The following DLG2 variants were observed in gnomAD, a reference collection of about 807,000 sequenced individuals.
The protein encoded by DLG2 is discs large MAGUK scaffold protein 2.
In DLG2, 45 loss-of-function variants were observed where a neutral mutation model predicts 132.5. That is an observed-to-expected ratio of 0.34 (90% CI 0.27 to 0.44). The LOEUF is 0.44. DLG2 is among the 20% of genes least tolerant of loss of function. The pLI is 1.00. For missense variants in DLG2, 1,045 were observed against 1,196.9 expected (o/e 0.87, Z 1.87); for synonymous variants, 424 against 419.6 (o/e 1.01, Z -0.13).
At chr11:85,575,613 T>C (rs895187509) in intron 3 of DLG2, among the ~76,000 whole-genome samples, 1 of 151,902 alleles carries the variant, frequency 6.6e-6, no homozygotes, top group African/African-American at 2.4e-5. Flanking sequence ...GATCTGGGCA[T>C]ACTACTACCT....
intron 6 of DLG2, among the ~76,000 whole-genome samples, chr11:84,752,626 G>T: frequency 7.3e-6 from 1 of 137,362 alleles, no homozygotes; most frequent in Non-Finnish European, 1.5e-5. Flanking sequence ...GTGCAGGTTA[G>T]TTACATATGT....
intron 3 of DLG2, among the ~76,000 whole-genome samples, chr11:85,403,505 TA>T (rs1289032429): frequency 2.1e-4 from 32 of 150,878 alleles, no homozygotes; most frequent in Admixed American, 1.9e-3. Context: ...AAATTAAATT[TA>T]AAAAAAAGAA....
chr11:85,416,143 G>A (rs2089823265), intron 3 of DLG2, among the ~76,000 whole-genome samples: 1 of 152,054 alleles, frequency 6.6e-6, no homozygotes, highest in Admixed American at 6.6e-5. Flanking sequence ...TTTCCCCATT[G>A]GTTGCTTTCG....
chr11:84,080,992 C>A (rs75011091), intron 10 of DLG2, among the ~76,000 whole-genome samples: 4 of 137,124 alleles, frequency 2.9e-5, no homozygotes, highest in Admixed American at 1.5e-4. Flanking sequence ...AACTCTGTCT[C>A]AAAAAAAAAA....
intron 6 of DLG2, among the ~76,000 whole-genome samples, chr11:84,743,243 C>T (rs2064918786): frequency 6.6e-6 from 1 of 151,958 alleles, no homozygotes; most frequent in Non-Finnish European, 1.5e-5. Context: ...TTATGTTATT[C>T]CTAAAAACTC....
intron 16 of DLG2, among the ~76,000 whole-genome samples, 180 bp downstream of exon 16, chr11:83,874,240 A>C (rs1465801798): frequency 1.9e-4 from 6 of 31,808 alleles, no homozygotes; most frequent in Admixed American, 1.4e-3. Context: ...AAAGACAAAG[A>C]AAGAAGGGAA....
At chr11:84,015,521 G>T (rs1332255450) in intron 11 of DLG2, among the ~76,000 whole-genome samples, 1 of 152,030 alleles carries the variant, frequency 6.6e-6, no homozygotes, top group Non-Finnish European at 1.5e-5. Context: ...TCTTCCTGAT[G>T]CTCTCCCTTT....
chr11:85,060,584 G>T (rs954091724), intron 6 of DLG2, among the ~76,000 whole-genome samples: 3 of 150,914 alleles, frequency 2.0e-5, no homozygotes, highest in African/African-American at 7.3e-5. Flanking sequence ...CACCCCCAAT[G>T]GACATTTAGG....
intron 3 of DLG2, among the ~76,000 whole-genome samples, chr11:85,597,765 A>G (rs2079876243): frequency 6.6e-6 from 1 of 151,684 alleles, no homozygotes; most frequent in Non-Finnish European, 1.5e-5. Context: ...AATAATAACC[A>G]GCATGAAAAA....
At chr11:84,202,874 G>A (rs1460882003) in intron 8 of DLG2, among the ~76,000 whole-genome samples, 2 of 151,974 alleles carry the variant, frequency 1.3e-5, no homozygotes, top group Non-Finnish European at 2.9e-5. Flanking sequence ...GCTCAACATC[G>A]CCAATTATTA....
chr11:85,374,699 C>A (rs2085264980), intron 3 of DLG2, among the ~76,000 whole-genome samples: 1 of 152,144 alleles, frequency 6.6e-6, no homozygotes, highest in Non-Finnish European at 1.5e-5. Flanking sequence ...GGTACTGGCA[C>A]TCAAAACCTA....
At chr11:83,537,882 C>T (rs2095936805) in intron 20 of DLG2, among the ~76,000 whole-genome samples, 1 of 135,856 alleles carries the variant, frequency 7.4e-6, no homozygotes, top group African/African-American at 2.7e-5. Flanking sequence ...GCCTCTTATA[C>T]ACTACATAAT....
intron 8 of DLG2, among the ~76,000 whole-genome samples, chr11:84,177,776 A>C (rs963611123): frequency 2.6e-5 from 4 of 152,164 alleles, no homozygotes; most frequent in South Asian, 4.1e-4. Context: ...CTAGTAAATT[A>C]GTGTAAATTA....
intron 17 of DLG2, among the ~76,000 whole-genome samples, chr11:83,819,469 CA>C (rs398016925): frequency 1.7e-3 from 48 of 28,128 alleles, no homozygotes; most frequent in East Asian, 0.011. Flanking sequence ...GACTCTATCT[CA>C]AAAAAAAAAA....
chr11:84,733,741 G>A (rs901706136), intron 6 of DLG2, among the ~76,000 whole-genome samples: 2 of 152,082 alleles, frequency 1.3e-5, no homozygotes, highest in African/African-American at 4.8e-5. Context: ...GTAATGCCTA[G>A]GTTTTCTTCT....
intron 8 of DLG2, among the ~76,000 whole-genome samples, chr11:84,230,703 G>A (rs1019822906): frequency 1.3e-5 from 2 of 152,128 alleles, no homozygotes; most frequent in African/African-American, 4.8e-5. Flanking sequence ...GTAGAGGTGG[G>A]AGTGAAATAA....
At chr11:83,627,330 G>T (rs902432713) in intron 19 of DLG2, among the ~76,000 whole-genome samples, 1 of 151,826 alleles carries the variant, frequency 6.6e-6, no homozygotes, top group Non-Finnish European at 1.5e-5. Context: ...TTAGCATTAG[G>T]TATATCTCCT....
intron 3 of DLG2, among the ~76,000 whole-genome samples, chr11:85,294,038 T>G (rs1228522247): frequency 6.6e-6 from 1 of 151,910 alleles, no homozygotes; most frequent in Non-Finnish European, 1.5e-5. Flanking sequence ...AGCCAGGAGT[T>G]TAAGACCAGC....
intron 3 of DLG2, among the ~76,000 whole-genome samples, chr11:85,441,894 C>G (rs2091797143): frequency 6.6e-6 from 1 of 150,708 alleles, no homozygotes; most frequent in East Asian, 2.0e-4. Flanking sequence ...TATGATAGAG[C>G]ACAAGTGGAA....
Sources: gnomAD v4.1 joint callset for allele counts (sites outside exome capture counted in the v4.1 genomes callset) on GRCh38, gnomAD v4.1.1 for gene constraint, MANE v1.5 for transcripts, NCBI Gene and HGNC (gene_info 2026-07-23, HGNC 2026-07-21) for gene names.